The following TTLL12 variants were observed in gnomAD, a reference collection of about 807,000 sequenced individuals.
The protein encoded by TTLL12 is tubulin tyrosine ligase like 12.
A neutral mutation model predicts 79.6 loss-of-function variants in TTLL12; 77 were observed. The ratio of observed to expected loss-of-function variants is 0.97; its 90% CI spans 0.81 to 1.17. TTLL12 has a LOEUF of 1.17. Among genes scored for constraint, TTLL12 ranks in the 50% most tolerant of loss-of-function variants. The pLI is 0.00. For missense variants in TTLL12, 969 were observed against 895.9 expected (o/e 1.08, Z -1.04); for synonymous variants, 437 against 376.1 (o/e 1.16, Z -1.87).
intron 1 of TTLL12, among the ~76,000 whole-genome samples, chr22:43,185,000 C>T (rs915626934): frequency 6.6e-6 from 1 of 151,960 alleles, no homozygotes; most frequent in Admixed American, 6.5e-5. Flanking sequence ...GAGGCCAAAG[C>T]GGGCGGATCA....
Position 43,174,391 on chromosome 22 carries a change from C to A in TTLL12, c.1047G>T (p.Gln349His). The change falls in exon 8 of 14, where the codon CAG becomes CAT. Residue 349 changes from glutamine to histidine, a missense_variant. Coordinates refer to ENST00000216129, the MANE Select transcript of TTLL12 (RefSeq NM_015140.4). Reference protein sequence around the residue: ...SHFKDYRKLSQERPGVLLNQF... With the variant: ...SHFKDYRKLSHERPGVLLNQF... The stretch of plus-strand genomic sequence containing the variant: ...GGTTCAGCAGCACGCCTGGCCTCTC[C>A]TGGCTGAGTTTCCTGCAGGGCGGAG... 1 of 1,563,526 alleles carries A rather than the reference C, an allele frequency of 6.4e-7. No homozygotes were observed. Among genetic ancestry groups the A allele is most frequent in the African/African-American group, 1.4e-5 (1 of 73,880 alleles).
chr22:43,183,147 A>C lies in TTLL12; in HGVS notation c.180T>G (p.Val60=). The C allele has an allele frequency of 6.2e-7, 1 of 1,613,644 alleles. No individual in the cohort carries two copies. The highest frequency in any genetic ancestry group is 8.5e-7 in the Non-Finnish European group (1 of 1,179,838). Residue 60 remains valine, a splice_region_variant and synonymous_variant, in exon 2 of 14, where the codon GTT becomes GTG. Transcript: ENST00000216129. ...TCCCAAACACTTCCCCAGCGTCGAA[A>C]ACCTGGGGGCCAGAGTTCCCGTCAG... ...GRLLHKLEHE[V]FDAGEVFGIM... is the part of the protein sequence containing the mutation.
At position 43,166,948 on chromosome 22, in the gene TTLL12, C is replaced by G. The variant is rs1210021487; in HGVS notation, c.*1060G>C. The G allele has an allele frequency of 4.6e-5, 14 of 305,572 alleles. No individual in the cohort carries two copies. Among genetic ancestry groups the G allele is most frequent in the Non-Finnish European group, 3.2e-5 (5 of 156,102 alleles). 18.9% of individuals were successfully genotyped at this position (305,572 alleles called of 1,614,324 possible). ...CTCTCGCCTGCCTGGGCAGTTAGGT[C>G]CACCCACTGCCCGTGAGCTGGGCCC... On this transcript the variant is annotated 3_prime_UTR_variant, in exon 14 of 14. Coordinates refer to ENST00000216129, the MANE Select transcript of TTLL12 (RefSeq NM_015140.4).
chr22:43,176,729 C>CAAAAAAAAA (rs869094672), intron 5 of TTLL12, among the ~76,000 whole-genome samples: 1 of 58,910 alleles, frequency 1.7e-5, no homozygotes, highest in Admixed American at 2.1e-4. Context: ...GACTACATCT[C>CAAAAAAAAA]AAAAAAAAAA....
At chr22:43,170,266 G>A (rs1601766804) in intron 11 of TTLL12, 1 of 276,062 alleles carries the variant, frequency 3.6e-6, no homozygotes, top group Non-Finnish European at 7.1e-6. Flanking sequence ...ATGTCCTGGG[G>A]CCCTGCTGGG....
chr22:43,177,686 C>T (rs1931950346), intron 5 of TTLL12, among the ~76,000 whole-genome samples: 1 of 152,258 alleles, frequency 6.6e-6, no homozygotes, highest in African/African-American at 2.4e-5. Context: ...AGCACCAACA[C>T]AGCAGGCATG....
In TTLL12 at chr22:43,174,525, G is replaced by A. The variant is rs35982873; in HGVS notation, c.1008C>T (p.Phe336=). 1.3e-3 allele frequency: 2,019 copies of A among 1,613,350 alleles called. 22 individuals carry two copies. In the African/African-American group the frequency reaches 0.024, roughly 19 times the overall value. The change falls in exon 7 of 14, where the codon TTC becomes TTT. Residue 336 remains phenylalanine, a synonymous_variant. Coordinates refer to ENST00000216129, the MANE Select transcript of TTLL12 (RefSeq NM_015140.4). The part of the protein sequence containing the change: ...TQSEADADIL[F]NFSHFKDYRK... ...TGTAGTCCTTGAAGTGTGAGAAGTTGAAGAGGATGTCGGCGTCCGCCTCAC... is the reference window on the plus strand; with the variant it reads ...TGTAGTCCTTGAAGTGTGAGAAGTTAAAGAGGATGTCGGCGTCCGCCTCAC...
intron 9 of TTLL12, among the ~76,000 whole-genome samples, chr22:43,172,823 G>C (rs1291594565): frequency 6.6e-6 from 1 of 151,678 alleles, no homozygotes; most frequent in Non-Finnish European, 1.5e-5. Context: ...TCAGCCTCCT[G>C]AGTAGCTGGG....
chr22:43,169,870 A>T, intron 11 of TTLL12: 1 of 495,884 alleles, frequency 2.0e-6, no homozygotes, highest in South Asian at 1.5e-5. Flanking sequence ...GGCTCACGCG[A>T]GACAATGAAC....
intron 2 of TTLL12, 50 bp from the exon 3 acceptor site, chr22:43,180,990 G>A: frequency 6.4e-7 from 1 of 1,569,414 alleles, no homozygotes; most frequent in Non-Finnish European, 8.7e-7. Context: ...ATGGGGCAAA[G>A]GGAAGTCGGG....
At chr22:43,185,299 A>T (rs1347292202) in intron 1 of TTLL12, among the ~76,000 whole-genome samples, 1 of 90,856 alleles carries the variant, frequency 1.1e-5, no homozygotes, top group Non-Finnish European at 2.3e-5. Flanking sequence ...ATATATATAT[A>T]TGTATGTATC....
chr22:43,182,215 C>G (rs942004264), intron 2 of TTLL12, among the ~76,000 whole-genome samples: 2 of 152,234 alleles, frequency 1.3e-5, no homozygotes, highest in Non-Finnish European at 2.9e-5. Context: ...GTTCCTGGGC[C>G]TGAGCCGCAC....
intron 13 of TTLL12, 113 bp from the exon 14 acceptor site, chr22:43,168,272 C>T (rs983099135): frequency 1.4e-6 from 2 of 1,439,204 alleles, no homozygotes; most frequent in African/African-American, 2.8e-5. Context: ...GCCCTGATTC[C>T]CAGGGGATGA....
At chr22:43,172,630 A>G in intron 9 of TTLL12, 76 bp from the exon 10 acceptor site, 2 of 1,549,394 alleles carry the variant, frequency 1.3e-6, no homozygotes, top group South Asian at 2.3e-5. Flanking sequence ...AAAGCCACGC[A>G]GGGGGCACAG....
chr22:43,186,133 A>C, intron 1 of TTLL12: 296 of 362,268 alleles, frequency 8.2e-4, no homozygotes, highest in Middle Eastern at 4.2e-3. Context: ...CACTAGGCTC[A>C]TCTCCGTCCG....
At chr22:43,183,276 G>A in intron 1 of TTLL12, 127 bp from the exon 2 acceptor site, 1 of 1,160,270 alleles carries the variant, frequency 8.6e-7, no homozygotes, top group South Asian at 1.4e-5. Context: ...TCCTTCAGAG[G>A]TGTGGGACCT....
rs1292451620 is a variant in TTLL12 at position 43,174,300 on chromosome 22, C to T, written c.1138G>A (p.Gly380Ser). ...CLASIARRAG[G>S]PEGPPWLPRT... ...GGCAGCCAGGGTGGGCCCTCGGGGC[C>T]ACCTGCCCGGCGCGCGATGGAGGCC... The change falls in exon 8 of 14, where the codon GGC becomes AGC. Residue 380 changes from glycine to serine, a missense_variant. Gly to Ser is a moderately conservative substitution (Grantham distance 56, BLOSUM62 0). Transcript: ENST00000216129. 3.7e-6 allele frequency: 6 copies of T among 1,610,860 alleles called. No individual in the cohort carries two copies. In the African/African-American group the frequency reaches 6.7e-5, roughly 18 times the overall value.
chr22:43,177,864 A>G (rs1601772733), intron 5 of TTLL12, among the ~76,000 whole-genome samples: 1 of 152,358 alleles, frequency 6.6e-6, no homozygotes, highest in Non-Finnish European at 1.5e-5. Context: ...TTTTGGAGTT[A>G]CTTGTTACCC....
At position 43,172,328 on chromosome 22, in the gene TTLL12, G is replaced by A. The variant is rs1250442256; in HGVS notation, c.1493+75C>T. On this transcript the variant is annotated intron_variant, in intron 10 of 13. Transcript: ENST00000216129. Reference sequence around the variant, plus strand: ...AACAACATTTTCTGATTCCAAAAAGGGCCCATCACCCACCCGCTACCTCCA... The same window carrying A: ...AACAACATTTTCTGATTCCAAAAAGAGCCCATCACCCACCCGCTACCTCCA... The A allele has an allele frequency of 6.4e-6, 10 of 1,559,554 alleles. No individual in the cohort carries two copies. In the East Asian group the frequency reaches 1.6e-4, roughly 25 times the overall value.
Sources: gnomAD v4.1 joint callset for allele counts (sites outside exome capture counted in the v4.1 genomes callset) on GRCh38, gnomAD v4.1.1 for gene constraint, MANE v1.5 for transcripts, NCBI Gene and HGNC (gene_info 2026-07-23, HGNC 2026-07-21) for gene names.